ESRRG: variants seen among roughly 807,000 people sequenced by gnomAD.
The protein encoded by ESRRG is estrogen related receptor gamma, also known as estrogen-related receptor gamma.
ESRRG carries 13 observed loss-of-function variants against 44.0 expected under a neutral mutation model. The ratio of observed to expected loss-of-function variants is 0.30; its 90% confidence interval spans 0.19 to 0.47. The LOEUF is 0.47. Ranked by LOEUF, ESRRG falls within the 20% of genes least tolerant of loss-of-function variation. The pLI, the probability that ESRRG is intolerant of heterozygous loss-of-function variation, is 1.00. For missense variants in ESRRG, 395 were observed against 580.6 expected, an observed-to-expected ratio of 0.68 and a Z score of 3.29; for synonymous variants, 215 against 214.6, an observed-to-expected ratio of 1.00 and a Z score of -0.02.
chr1:216,778,962 G>A (rs1181340288), intron 2 of ESRRG, among the ~76,000 whole-genome samples: 1 of 150,238 alleles, frequency 6.7e-6, no homozygotes, highest in Non-Finnish European at 1.5e-5. Context: ...GAAGCCATGG[G>A]CCTCTTCCTC....
intron 2 of ESRRG, among the ~76,000 whole-genome samples, chr1:216,843,245 A>C (rs2095682979): frequency 6.6e-6 from 1 of 151,626 alleles, no homozygotes; most frequent in African/African-American, 2.4e-5. Context: ...GAGATTTGTG[A>C]GGCTATTTTT....
At chr1:217,069,963 C>A (rs1031662988) in intron 1 of ESRRG, among the ~76,000 whole-genome samples, 3 of 152,166 alleles carry the variant, frequency 2.0e-5, no homozygotes, top group Non-Finnish European at 2.9e-5. Flanking sequence ...AAATGGTCAC[C>A]TATTTCCATT....
At position 216,693,777 on chromosome 1, in the gene ESRRG, A is replaced by C. The variant is rs564938484; in HGVS notation, c.57-16286T>G. On this transcript the variant is annotated intron_variant, in intron 1 of 6. Coordinates refer to ENST00000408911, the MANE Select transcript of ESRRG (RefSeq NM_001438.4). The stretch of plus-strand genomic sequence containing the variant: ...ATCCACAGATGCAGAGCCCACAGAC[A>C]TGGAGAAATGACTGTACAAACTTAT... Among the ~76,000 whole-genome samples, 70 of 152,334 alleles carry C rather than the reference A, an allele frequency of 4.6e-4. No individual in the cohort carries two copies. The South Asian group carries it at 0.014, about 31-fold the overall frequency.
At chr1:217,008,411 T>C (rs943999519) in intron 1 of ESRRG, among the ~76,000 whole-genome samples, 3 of 152,210 alleles carry the variant, frequency 2.0e-5, no homozygotes, top group Admixed American at 6.5e-5. Flanking sequence ...AACCCTGGAC[T>C]CCAGTGACTG....
intron 5 of ESRRG, among the ~76,000 whole-genome samples, chr1:216,536,763 C>G (rs1271354680): frequency 6.6e-6 from 1 of 152,026 alleles, no homozygotes; most frequent in African/African-American, 2.4e-5. Context: ...GCTAGTGCTT[C>G]CATTTATCAT....
rs2061717209 is a variant in ESRRG at position 216,920,585 on chromosome 1, AG to A, written c.-14+18996del. On this transcript the variant is annotated intron_variant, in intron 2 of 7. Coordinates refer to the ESRRG transcript ENST00000359162. The stretch of plus-strand genomic sequence containing the variant: ...AGAATAGATTGTTACTGATGTACAA[AG>A]AAAGAGACTTATATCATCTTGTGGT... Among the ~76,000 whole-genome samples, 11 of 152,354 alleles carry A rather than the reference AG, an allele frequency of 7.2e-5. No homozygotes were observed. In the South Asian group the frequency reaches 2.3e-3, roughly 32 times the overall value.
At chr1:216,739,919 G>C (rs2813703) in intron 2 of ESRRG, among the ~76,000 whole-genome samples, 2 of 151,834 alleles carry the variant, frequency 1.3e-5, no homozygotes, top group African/African-American at 4.8e-5. Context: ...AGTTTATCCT[G>C]CCAGACTCCT....
intron 1 of ESRRG, among the ~76,000 whole-genome samples, chr1:216,971,372 C>T (rs878957952): frequency 9.9e-5 from 15 of 152,188 alleles, no homozygotes; most frequent in Admixed American, 2.0e-4. Flanking sequence ...AGATTTATTA[C>T]GAAAGCAACG....
intron 3 of ESRRG, among the ~76,000 whole-genome samples, chr1:216,577,584 G>A (rs1273441554): frequency 2.0e-5 from 3 of 151,938 alleles, no homozygotes; most frequent in African/African-American, 7.2e-5. Flanking sequence ...ATAAACAGAA[G>A]CACAAATATT....
At chr1:216,762,714 AT>A (rs1243267005) in intron 2 of ESRRG, among the ~76,000 whole-genome samples, 12 of 151,844 alleles carry the variant, frequency 7.9e-5, no homozygotes, top group African/African-American at 2.9e-4. Flanking sequence ...ATAATAAAAA[AT>A]AAATAAATAA....
At chr1:216,684,344 G>C (rs971313476) in intron 1 of ESRRG, among the ~76,000 whole-genome samples, 3 of 152,184 alleles carry the variant, frequency 2.0e-5, no homozygotes, top group Non-Finnish European at 4.4e-5. Context: ...GACAGTTTCT[G>C]TATTTAAGGA....
intron 1 of ESRRG, among the ~76,000 whole-genome samples, chr1:217,098,068 G>A (rs2092450375): frequency 6.6e-6 from 1 of 152,216 alleles, no homozygotes; most frequent in African/African-American, 2.4e-5. Context: ...ACTGGCAAAT[G>A]TAGGGAAATG....
At chr1:216,625,539 A>C (rs1241269191) in intron 3 of ESRRG, among the ~76,000 whole-genome samples, 1 of 151,938 alleles carries the variant, frequency 6.6e-6, no homozygotes, top group Admixed American at 6.6e-5. Context: ...CTACACAAAC[A>C]CTAAATTCCA....
intron 3 of ESRRG, among the ~76,000 whole-genome samples, chr1:216,615,043 G>T (rs907977411): frequency 6.6e-6 from 1 of 152,152 alleles, no homozygotes; most frequent in East Asian, 1.9e-4. Context: ...TCAAGAGACT[G>T]ATTGAAGATA....
chr1:216,939,131 C>G (rs368047638), intron 2 of ESRRG, among the ~76,000 whole-genome samples: 82 of 152,002 alleles, frequency 5.4e-4, no homozygotes, highest in African/African-American at 1.9e-3. Context: ...CTATCTTAAA[C>G]GCAGGACAAG....
chr1:216,683,448 C>G (rs1029141935), intron 1 of ESRRG, among the ~76,000 whole-genome samples: 1 of 152,128 alleles, frequency 6.6e-6, no homozygotes, highest in Non-Finnish European at 1.5e-5. Flanking sequence ...GAACAAATAA[C>G]TTGTGCATTT....
At chr1:216,819,319 A>T (rs1447660695) in intron 2 of ESRRG, among the ~76,000 whole-genome samples, 6 of 152,168 alleles carry the variant, frequency 3.9e-5, no homozygotes, top group Non-Finnish European at 1.5e-5. Flanking sequence ...GTCTCACAAC[A>T]AGGAGGAAAA....
chr1:217,060,130 T>C (rs2088040911), intron 1 of ESRRG, among the ~76,000 whole-genome samples: 1 of 151,680 alleles, frequency 6.6e-6, no homozygotes, highest in East Asian at 1.9e-4. Flanking sequence ...TATATGTATA[T>C]ACTTATGCAA....
At chr1:216,605,416 T>C (rs895672861) in intron 3 of ESRRG, among the ~76,000 whole-genome samples, 1 of 152,106 alleles carries the variant, frequency 6.6e-6, no homozygotes, top group Non-Finnish European at 1.5e-5. Flanking sequence ...AACATTATGA[T>C]CTTCACACAA....
Sources: gnomAD v4.1 joint callset for allele counts (sites outside exome capture counted in the v4.1 genomes callset) on GRCh38, gnomAD v4.1.1 for gene constraint, MANE v1.5 for transcripts, NCBI Gene and HGNC (gene_info 2026-07-23, HGNC 2026-07-21) for gene names.